The following GRIN2A variants were observed in gnomAD, a reference collection of about 807,000 sequenced individuals.
GRIN2A encodes glutamate ionotropic receptor NMDA type subunit 2A.
Under a neutral mutation model 113.4 loss-of-function variants are expected in GRIN2A, and 22 were observed. The observed-to-expected ratio is 0.19, with a 90% CI of 0.14 to 0.28. The LOEUF (loss-of-function observed/expected upper bound fraction) is 0.28, where lower values mean the gene tolerates loss of function less well. GRIN2A is among the 10% of genes least tolerant of loss of function. GRIN2A has a pLI of 1.00. For synonymous variants in GRIN2A, 827 were observed against 738.4 expected (o/e 1.12, Z -1.94); for missense variants, 1,502 against 1,887.0 (o/e 0.80, Z 3.78).
chr16:10,107,886 C>T (rs986045560), intron 2 of GRIN2A, among the ~76,000 whole-genome samples: 1 of 152,184 alleles, frequency 6.6e-6, no homozygotes, highest in African/African-American at 2.4e-5. Flanking sequence ...CAGAGGTGCA[C>T]AAAACGTGCA....
intron 2 of GRIN2A, among the ~76,000 whole-genome samples, chr16:10,033,464 A>T (rs1200325078): frequency 1.3e-5 from 2 of 152,208 alleles, no homozygotes; most frequent in African/African-American, 4.8e-5. Flanking sequence ...GAAAATAAAC[A>T]GGATGATGTG....
chr16:10,019,366 G>T (rs551521986), intron 2 of GRIN2A, among the ~76,000 whole-genome samples: 109 of 152,286 alleles, frequency 7.2e-4, no homozygotes, highest in African/African-American at 2.4e-3. Flanking sequence ...TGCATGGAAA[G>T]CATCTATCAC....
At chr16:10,110,138 T>C (rs1409706138) in intron 2 of GRIN2A, among the ~76,000 whole-genome samples, 1 of 152,010 alleles carries the variant, frequency 6.6e-6, no homozygotes, top group African/African-American at 2.4e-5. Context: ...AAAAGAATTT[T>C]AAATAAAAAC....
intron 2 of GRIN2A, among the ~76,000 whole-genome samples, chr16:10,010,260 A>G (rs2046481348): frequency 6.6e-6 from 1 of 152,234 alleles, no homozygotes; most frequent in South Asian, 2.1e-4. Context: ...GTACACTAAT[A>G]CAAGAAGAAT....
intron 2 of GRIN2A, among the ~76,000 whole-genome samples, chr16:10,063,667 C>T (rs553311808): frequency 1.4e-4 from 21 of 152,298 alleles, no homozygotes; most frequent in African/African-American, 4.8e-4. Context: ...ATCAGAGGAT[C>T]TAAATTACAT....
intron 3 of GRIN2A, among the ~76,000 whole-genome samples, chr16:9,910,551 T>C (rs2044113826): frequency 6.7e-6 from 1 of 149,594 alleles, no homozygotes; most frequent in Non-Finnish European, 1.5e-5. Flanking sequence ...TTTTTTTTTT[T>C]TTTTTTGAGA....
chr16:9,835,274 G>T (rs1489020013), intron 7 of GRIN2A, among the ~76,000 whole-genome samples: 17 of 152,208 alleles, frequency 1.1e-4, no homozygotes, highest in Non-Finnish European at 5.9e-5. Context: ...CAATAAAATA[G>T]TAGATGGATA....
chr16:9,918,488 A>G (rs1438759909), intron 3 of GRIN2A, among the ~76,000 whole-genome samples: 1 of 152,206 alleles, frequency 6.6e-6, no homozygotes, highest in Non-Finnish European at 1.5e-5. Context: ...AAAATACTGT[A>G]TTGTATATAA....
intron 2 of GRIN2A, among the ~76,000 whole-genome samples, chr16:10,105,448 T>A (rs748328585): frequency 3.7e-4 from 56 of 151,784 alleles, no homozygotes; most frequent in Non-Finnish European, 6.8e-4. Context: ...TGACCCAATG[T>A]TTAATAGAGA....
chr16:9,970,580 G>T (rs1362016963), intron 2 of GRIN2A, among the ~76,000 whole-genome samples: 2 of 152,082 alleles, frequency 1.3e-5, no homozygotes, highest in African/African-American at 2.4e-5. Flanking sequence ...AAGTAAATTA[G>T]AGGGGAAATA....
At chr16:9,809,740 A>AGAT (rs2042050188) in intron 10 of GRIN2A, among the ~76,000 whole-genome samples, 1 of 152,130 alleles carries the variant, frequency 6.6e-6, no homozygotes, top group Non-Finnish European at 1.5e-5. Flanking sequence ...GAAGCTGTGA[A>AGAT]GATTAAACTA....
At chr16:10,077,045 G>A in intron 2 of GRIN2A, among the ~76,000 whole-genome samples, 1 of 152,190 alleles carries the variant, frequency 6.6e-6, no homozygotes, top group Non-Finnish European at 1.5e-5. Flanking sequence ...AAAGAGATGT[G>A]ACTTCAGAAG....
intron 2 of GRIN2A, among the ~76,000 whole-genome samples, chr16:10,088,170 A>T (rs1407697287): frequency 6.6e-6 from 1 of 152,168 alleles, no homozygotes; most frequent in Non-Finnish European, 1.5e-5. Flanking sequence ...AATTTTGAAG[A>T]TAAGTGCAGG....
At chr16:9,990,433 G>A (rs1200238766) in intron 2 of GRIN2A, among the ~76,000 whole-genome samples, 1 of 152,128 alleles carries the variant, frequency 6.6e-6, no homozygotes, top group Non-Finnish European at 1.5e-5. Flanking sequence ...ATCAGGTAGT[G>A]CATTCACTAC....
intron 2 of GRIN2A, among the ~76,000 whole-genome samples, chr16:10,177,205 G>A: frequency 6.6e-6 from 1 of 152,182 alleles, no homozygotes; most frequent in East Asian, 1.9e-4. Context: ...TGTTACTAAT[G>A]GAAGGAAGGG....
chr16:10,071,998 G>C (rs765748777), intron 2 of GRIN2A, among the ~76,000 whole-genome samples: 3 of 152,164 alleles, frequency 2.0e-5, no homozygotes, highest in Non-Finnish European at 4.4e-5. Flanking sequence ...TGATTCCAAA[G>C]CCCACACTCT....
intron 2 of GRIN2A, among the ~76,000 whole-genome samples, chr16:9,944,126 A>G (rs1283056921): frequency 6.6e-6 from 1 of 152,174 alleles, no homozygotes; most frequent in Non-Finnish European, 1.5e-5. Context: ...TGCCAAGAAA[A>G]GGAAATAATG....
chr16:9,854,169 A>T (rs558089147), intron 4 of GRIN2A, among the ~76,000 whole-genome samples: 4 of 152,220 alleles, frequency 2.6e-5, no homozygotes, highest in African/African-American at 9.6e-5. Context: ...CATGAGTCAG[A>T]AAGTGTTAGA....
At chr16:10,115,514 G>A (rs918468488) in intron 2 of GRIN2A, among the ~76,000 whole-genome samples, 12 of 152,186 alleles carry the variant, frequency 7.9e-5, no homozygotes, top group East Asian at 3.9e-4. Context: ...TGGGGCCTGC[G>A]CCCCCCCATA....
Sources: allele counts gnomAD v4.1 joint callset (sites outside exome capture counted in the v4.1 genomes callset), GRCh38; gene constraint gnomAD v4.1.1; transcripts MANE v1.5; gene names NCBI Gene and HGNC (gene_info 2026-07-23, HGNC 2026-07-21).